Variants in RRM2 observed in about 807,000 individuals in gnomAD.
RRM2 encodes the protein ribonucleotide reductase regulatory subunit M2, also known as ribonucleoside-diphosphate reductase subunit M2.
A neutral mutation model predicts 45.9 loss-of-function variants in RRM2; 6 were observed. The ratio of observed to expected loss-of-function variants is 0.13; its 90% confidence interval spans 0.07 to 0.26. The LOEUF (loss-of-function observed/expected upper bound fraction) is 0.26, where lower values mean the gene tolerates loss of function less well. Among genes scored for constraint, RRM2 ranks in the 10% least tolerant of loss-of-function variants. RRM2 has a pLI of 1.00. For synonymous variants in RRM2, 177 were observed against 173.0 expected, an observed-to-expected ratio of 1.02 and a Z score of -0.18; for missense variants, 343 against 489.5, an observed-to-expected ratio of 0.70 and a Z score of 2.82.
At chr2:10,164,555 C>G (rs1375110763) in intron 3 of RRM2, among the ~76,000 whole-genome samples, 1 of 152,188 alleles carries the variant, frequency 6.6e-6, no homozygotes, top group Non-Finnish European at 1.5e-5. Context: ...GCGAAGTGAG[C>G]AGGCTGGCAT....
intron 3 of RRM2, among the ~76,000 whole-genome samples, chr2:10,156,753 C>G (rs1237526575): frequency 6.6e-6 from 1 of 152,238 alleles, no homozygotes; most frequent in Non-Finnish European, 1.5e-5. Context: ...ATCCTCCTAC[C>G]TCAGCCTCCT....
intron 3 of RRM2, 30 bp downstream of exon 3, chr2:10,123,560 A>G (rs770381115): frequency 1.3e-6 from 2 of 1,589,006 alleles, no homozygotes; most frequent in East Asian, 2.2e-5. Context: ...AGACCCCTGC[A>G]GGGGTGACCG....
chr2:10,150,064 AG>A (rs1316212336), intron 3 of RRM2, among the ~76,000 whole-genome samples: 2 of 152,182 alleles, frequency 1.3e-5, no homozygotes, highest in Non-Finnish European at 2.9e-5. Context: ...CTGTAATCCC[AG>A]CACTTTTGGA....
rs902901345 is a variant in RRM2 at position 10,172,079 on chromosome 2, T to C, written n.482+29704T>C. 6.6e-6 allele frequency among the ~76,000 whole-genome samples: 1 copy of C among 152,166 alleles called. No homozygotes were observed. The highest frequency in any genetic ancestry group is 1.5e-5 in the Non-Finnish European group (1 of 68,022). ...TTTGGGGTCTGCGTGCATTTGAGCA[T>C]GAGTGCATTAACAGGGGGAACGTCT... is the stretch of plus-strand genomic sequence containing the variant. On this transcript the variant is annotated intron_variant and non_coding_transcript_variant, in intron 3 of 3. Coordinates refer to the RRM2 transcript ENST00000381786. This position sits in a 1 kb window ranked among gnomAD's most constrained non-coding sequence, Gnocchi z 4.9.
At chr2:10,140,865 C>T (rs956993257), upstream of RRM2, among the ~76,000 whole-genome samples, 13 of 152,086 alleles carry the variant, frequency 8.5e-5, no homozygotes, top group Admixed American at 3.9e-4. Flanking sequence ...GATGAGCACT[C>T]GCAGCCACCA....
At chr2:10,143,859 G>A (rs1471149939) in intron 3 of RRM2, among the ~76,000 whole-genome samples, 2 of 152,164 alleles carry the variant, frequency 1.3e-5, no homozygotes, top group African/African-American at 2.4e-5. Context: ...GTAGAGACGG[G>A]GTTTCACCAT....
chr2:10,189,345 G>A (rs779563290), intron 3 of RRM2, among the ~76,000 whole-genome samples: 5 of 152,226 alleles, frequency 3.3e-5, no homozygotes, highest in Non-Finnish European at 7.3e-5. Flanking sequence ...GCGCTGCCCC[G>A]GAGGAGACAG....
chr2:10,154,461 T>C, intron 3 of RRM2, among the ~76,000 whole-genome samples: 1 of 145,800 alleles, frequency 6.9e-6, no homozygotes, highest in South Asian at 2.2e-4. Context: ...GATGGCATCA[T>C]TGCACTCCAG....
intron 3 of RRM2, chr2:10,199,014 C>T (rs1378986460): frequency 6.6e-6 from 1 of 152,046 alleles, no homozygotes; most frequent in Non-Finnish European, 1.5e-5. Flanking sequence ...GCTGTTTGTC[C>T]AAAATGTTGA....
rs1034379411 is a variant in RRM2, at chr2:10,195,602, A to G, written n.483-14709A>G. Reference sequence around the variant, plus strand: ...GTGAGCCGCGTTTACCTGGAGACCAAGGGTGGGAAGCGAGGGAGAAGAGGT... The same window carrying G: ...GTGAGCCGCGTTTACCTGGAGACCAGGGGTGGGAAGCGAGGGAGAAGAGGT... On this transcript the variant is annotated intron_variant and non_coding_transcript_variant, in intron 3 of 3. Transcript: ENST00000381786. This position sits in a 1 kb window ranked among gnomAD's most constrained non-coding sequence, Gnocchi z 4.9. 1.1e-4 allele frequency among the ~76,000 whole-genome samples: 17 copies of G among 152,160 alleles called. No individual in the cohort carries two copies. The highest frequency in any genetic ancestry group is 2.1e-4 in the Non-Finnish European group (14 of 68,012).
intron 3 of RRM2, among the ~76,000 whole-genome samples, chr2:10,167,563 C>T (rs928553186): frequency 6.6e-6 from 1 of 152,190 alleles, no homozygotes; most frequent in Non-Finnish European, 1.5e-5. Context: ...AGTCCTGGGC[C>T]AGGTTTTTTC....
intron 3 of RRM2, among the ~76,000 whole-genome samples, chr2:10,168,152 C>T (rs1399209294): frequency 1.3e-5 from 2 of 151,528 alleles, no homozygotes; most frequent in African/African-American, 2.4e-5. Flanking sequence ...CACCCTGCTC[C>T]GGCTATTAAT....
At chr2:10,124,574 T>C (rs1354556486) in intron 4 of RRM2, 143 bp from the exon 5 acceptor site, 39 of 884,696 alleles carry the variant, frequency 4.4e-5, no homozygotes, top group Non-Finnish European at 6.7e-5. Flanking sequence ...ACATAAAATA[T>C]CAAAGAATTG....
intron 7 of RRM2, 61 bp from the exon 8 acceptor site, chr2:10,128,787 C>A: frequency 8.4e-7 from 1 of 1,186,438 alleles, no homozygotes; most frequent in Non-Finnish European, 1.3e-6. Context: ...AAAGTAATTT[C>A]ATATTCCATG....
rs1335778839 is a variant in RRM2 at position 10,169,145 on chromosome 2, GTA to G, written n.482+26772_482+26773del. ...ATGTCACCATGCCCAGCTACTTTTT[GTA>G]TTTTTTTTTTTTTTTGTAGAGATGG... On this transcript the variant is annotated intron_variant and non_coding_transcript_variant, in intron 3 of 3. Transcript: ENST00000381786. This position sits in a 1 kb window ranked among gnomAD's most constrained non-coding sequence, Gnocchi z 5.1. 9.0e-6 allele frequency among the ~76,000 whole-genome samples: 1 copy of G among 111,222 alleles called. No homozygotes were observed. The allele number at this position is 111,222 out of a possible 152,430, so 73.0% of individuals were successfully genotyped here.
chr2:10,128,036 G>A (rs1662817967), intron 7 of RRM2, among the ~76,000 whole-genome samples: 1 of 152,010 alleles, frequency 6.6e-6, no homozygotes, highest in Non-Finnish European at 1.5e-5. Context: ...TATGGTGGAC[G>A]TGCCTATTGT....
Position 10,185,523 on chromosome 2 carries a change from C to A in RRM2, n.483-24788C>A, listed in dbSNP as rs1265368109. Among the ~76,000 whole-genome samples the A allele has an allele frequency of 6.6e-6, 1 of 152,176 alleles. No homozygotes were observed. Among genetic ancestry groups the A allele is most frequent in the Non-Finnish European group, 1.5e-5 (1 of 68,032 alleles). The stretch of plus-strand genomic sequence containing the variant: ...GGTCCATATGTGGCCAGTCTTGTCT[C>A]AGCCTTTTCCCCACCCATTCACTCC... On this transcript the variant is annotated intron_variant and non_coding_transcript_variant, in intron 3 of 3. Coordinates refer to the RRM2 transcript ENST00000381786. This position sits in a 1 kb window ranked among gnomAD's most constrained non-coding sequence, Gnocchi z 4.3.
At chr2:10,192,124 A>AG (rs35284885) in intron 3 of RRM2, among the ~76,000 whole-genome samples, 151,663 of 151,664 alleles carry the variant, frequency 1, 75,831 homozygotes, top group Non-Finnish European at 1. Flanking sequence ...GAGCTCCCGG[A>AG]GCCGCAGCCA....
intron 3 of RRM2, among the ~76,000 whole-genome samples, chr2:10,143,472 G>A (rs1305028037): frequency 6.6e-6 from 1 of 152,226 alleles, no homozygotes; most frequent in Non-Finnish European, 1.5e-5. Context: ...TGGGGTCCGT[G>A]TCCTCCGGTG....
Sources: allele counts gnomAD v4.1 joint callset (sites outside exome capture counted in the v4.1 genomes callset), GRCh38; gene constraint gnomAD v4.1.1; non-coding constraint Gnocchi (gnomAD v3.1); transcripts MANE v1.5; gene names NCBI Gene and HGNC (gene_info 2026-07-23, HGNC 2026-07-21).